Variants in RALGPS2 observed in about 807,000 individuals in gnomAD.
RALGPS2 encodes Ral GEF with PH domain and SH3 binding motif 2.
Under a neutral mutation model 86.8 loss-of-function variants are expected in RALGPS2, and 43 were observed. The ratio of observed to expected loss-of-function variants is 0.50; its 90% confidence interval spans 0.39 to 0.64. The LOEUF is 0.64. Ranked by LOEUF, RALGPS2 falls within the 30% of genes least tolerant of loss-of-function variation. RALGPS2 has a pLI of 0.00. For missense variants in RALGPS2, 536 were observed against 694.6 expected (o/e 0.77, Z 2.57); for synonymous variants, 243 against 231.3 (o/e 1.05, Z -0.46).
In RALGPS2 at chr1:178,885,181, G is replaced by T. The variant is rs552069010; in HGVS notation, c.1010G>T (p.Gly337Val). Residue 337 changes from glycine to valine, a missense_variant, in exon 12 of 20, where the codon GGA (glycine) becomes GTA (valine). Physicochemically the swap from Gly to Val is moderately radical, Grantham distance 109 (BLOSUM62 -3). Transcript: ENST00000367635. ...PPSPRNLIPH[G>V]HRKCHSLGYN... ...TCCCCTCGGAATCTGATTCCACATG[G>T]ACATAGGAAGTGCCATAGTTTGGGT... The T allele has an allele frequency of 6.2e-7, 1 of 1,613,468 alleles. No homozygotes were observed. The highest frequency in any genetic ancestry group is 8.5e-7 in the Non-Finnish European group (1 of 1,179,822).
intron 17 of RALGPS2, among the ~76,000 whole-genome samples, chr1:178,898,358 G>A (rs1036527064): frequency 3.3e-5 from 5 of 151,862 alleles, no homozygotes; most frequent in South Asian, 2.1e-4. Context: ...GAAAAATTAC[G>A]TGGTTTATCC....
intron 8 of RALGPS2, among the ~76,000 whole-genome samples, chr1:178,863,696 CA>C (rs1658186896): frequency 6.6e-6 from 1 of 152,012 alleles, no homozygotes; most frequent in Non-Finnish European, 1.5e-5. Flanking sequence ...TACTTGAAGC[CA>C]AAATACTCTA....
At chr1:178,732,612 T>G (rs755075179) in intron 1 of RALGPS2, among the ~76,000 whole-genome samples, 8 of 152,202 alleles carry the variant, frequency 5.3e-5, no homozygotes, top group Non-Finnish European at 1.0e-4. Context: ...TTCCTGATTT[T>G]AATAGGAGTA....
At chr1:178,881,346 G>A (rs1659236759) in intron 10 of RALGPS2, among the ~76,000 whole-genome samples, 1 of 152,130 alleles carries the variant, frequency 6.6e-6, no homozygotes. Flanking sequence ...AAAGTATGCT[G>A]GGGATGGAAT....
At chr1:178,811,254 C>T in intron 5 of RALGPS2, 61 bp from the exon 6 acceptor site, 1 of 1,339,080 alleles carries the variant, frequency 7.5e-7, no homozygotes, top group South Asian at 1.4e-5. Flanking sequence ...TTTTAAAATA[C>T]AGCAAAAAAA....
intron 4 of RALGPS2, among the ~76,000 whole-genome samples, chr1:178,800,669 T>G (rs1283232363): frequency 1.3e-5 from 2 of 152,176 alleles, no homozygotes; most frequent in African/African-American, 4.8e-5. Context: ...TTAGTGGTTT[T>G]GGGGGAGTCA....
intron 2 of RALGPS2, 49 bp from the exon 3 acceptor site, chr1:178,784,369 T>C (rs556964538): frequency 1.5e-5 from 21 of 1,417,206 alleles, no homozygotes; most frequent in Non-Finnish European, 2.0e-5. Flanking sequence ...TTCTATCACT[T>C]GATTGTGAGA....
intron 1 of RALGPS2, among the ~76,000 whole-genome samples, chr1:178,749,584 C>T (rs1651533843): frequency 6.6e-6 from 1 of 152,146 alleles, no homozygotes; most frequent in Non-Finnish European, 1.5e-5. Context: ...ACGTTGGCCC[C>T]TAATATGTTG....
chr1:178,774,567 A>G (rs1242393717), intron 1 of RALGPS2, among the ~76,000 whole-genome samples: 1 of 152,224 alleles, frequency 6.6e-6, no homozygotes, highest in East Asian at 1.9e-4. Context: ...GCTATGTTCA[A>G]AGAGAATCTG....
intron 10 of RALGPS2, among the ~76,000 whole-genome samples, chr1:178,880,071 C>T (rs953913958): frequency 2.6e-5 from 4 of 151,834 alleles, no homozygotes; most frequent in African/African-American, 9.7e-5. Flanking sequence ...CCCATTTGTT[C>T]GCAAGCTTTC....
intron 4 of RALGPS2, among the ~76,000 whole-genome samples, chr1:178,788,880 C>CT (rs763669598): frequency 9.9e-5 from 7 of 70,504 alleles, no homozygotes; most frequent in South Asian, 4.1e-4. Context: ...CTTTTCTTTT[C>CT]TTTCTTTCTT....
chr1:178,885,506 A>G (rs542995243), intron 12 of RALGPS2: 139 of 252,324 alleles, frequency 5.5e-4, no homozygotes, highest in African/African-American at 2.9e-3. Context: ...TAAAAGAGTT[A>G]CAACCTTTAT....
At chr1:178,807,063 T>C (rs1654781379) in intron 4 of RALGPS2, among the ~76,000 whole-genome samples, 1 of 152,232 alleles carries the variant, frequency 6.6e-6, no homozygotes, top group Non-Finnish European at 1.5e-5. Flanking sequence ...CTGGGTGTGA[T>C]AATTCATGCC....
rs1053658117 is a variant in RALGPS2 at position 178,885,008 on chromosome 1, A to T, written c.905-68A>T. 13 of 1,446,868 alleles carry T rather than the reference A, an allele frequency of 9.0e-6. No individual in the cohort carries two copies. In the African/African-American group the frequency reaches 1.6e-4, roughly 18 times the overall value. The allele number at this position is 1,446,868 out of a possible 1,614,324, so 89.6% of individuals were successfully genotyped here. ...CTATCTCAAAATTTGAACCACATTT[A>T]ATATTTTCTTTCAAGGGACTGAAAA... On this transcript the variant is annotated intron_variant, in intron 11 of 19. Transcript: ENST00000367635.
intron 8 of RALGPS2, among the ~76,000 whole-genome samples, chr1:178,872,777 A>G (rs1355868407): frequency 3.3e-5 from 5 of 152,194 alleles, no homozygotes; most frequent in African/African-American, 1.2e-4. Flanking sequence ...TAGTAATATC[A>G]CTAGCCAGGG....
At chr1:178,820,694 G>A (rs1655456447) in intron 6 of RALGPS2, among the ~76,000 whole-genome samples, 1 of 151,914 alleles carries the variant, frequency 6.6e-6, no homozygotes, top group African/African-American at 2.4e-5. Context: ...TTTCATTTTT[G>A]TATATGCAGT....
intron 1 of RALGPS2, among the ~76,000 whole-genome samples, chr1:178,774,623 T>C (rs1652987708): frequency 1.3e-5 from 2 of 152,244 alleles, no homozygotes; most frequent in South Asian, 4.1e-4. Context: ...TATAAGTTGA[T>C]TCTTAATACT....
chr1:178,735,355 G>A (rs967090696), intron 1 of RALGPS2, among the ~76,000 whole-genome samples: 3 of 152,018 alleles, frequency 2.0e-5, no homozygotes, highest in Non-Finnish European at 4.4e-5. Flanking sequence ...TTAGGAGTTG[G>A]GGCTGGAAAG....
chr1:178,875,606 G>A (rs1558165925), intron 8 of RALGPS2, among the ~76,000 whole-genome samples: 1 of 152,048 alleles, frequency 6.6e-6, no homozygotes, highest in Non-Finnish European at 1.5e-5. Flanking sequence ...GAACTACCCA[G>A]GCGTGGTTGC....
Sources: allele counts gnomAD v4.1 joint callset (sites outside exome capture counted in the v4.1 genomes callset), GRCh38; gene constraint gnomAD v4.1.1; transcripts MANE v1.5; gene names NCBI Gene and HGNC (gene_info 2026-07-23, HGNC 2026-07-21).